Variants in ANK2 observed in about 807,000 individuals in gnomAD.
ANK2 encodes ankyrin 2, also known as ankyrin-2.
A neutral mutation model predicts 360.5 loss-of-function variants in ANK2; 83 were observed. The ratio of observed to expected loss-of-function variants is 0.23; its 90% CI spans 0.19 to 0.28. ANK2 has a LOEUF of 0.28. ANK2 is among the 10% of genes least tolerant of loss of function. The pLI is 1.00. For missense variants in ANK2, 4,201 were observed against 4,795.7 expected (o/e 0.88, Z 3.66); for synonymous variants, 1,740 against 1,759.5 (o/e 0.99, Z 0.28).
chr4:113,343,298 T>C (rs1283386371), intron 34 of ANK2, among the ~76,000 whole-genome samples, 156 bp downstream of exon 34: 3 of 152,204 alleles, frequency 2.0e-5, no homozygotes, highest in Admixed American at 2.0e-4. Context: ...AACAAATCAT[T>C]TTTATTTTTG....
intron 1 of ANK2, chr4:112,881,700 G>GT (rs953259864): frequency 1.4e-5 from 7 of 509,918 alleles, no homozygotes; most frequent in African/African-American, 1.3e-4. Flanking sequence ...CAGTTCTCGA[G>GT]TTTTTTGCCC....
the ANK2 span, among the ~76,000 whole-genome samples, chr4:112,750,975 C>A: frequency 6.6e-6 from 1 of 152,178 alleles, no homozygotes; most frequent in South Asian, 2.1e-4. Context: ...GATCCACCTG[C>A]CTCTGCCTTT....
rs996943909 is a variant in ANK2 at position 113,310,574 on chromosome 4, G to A, written c.2549-681G>A. On this transcript the variant is annotated intron_variant, in intron 23 of 45. Transcript: ENST00000357077. ...TGGGACTACAGGCATGTGCCACCACGCCCAGCTAATTTTTGTATTTTTAGT... is the reference window on the plus strand; with the variant it reads ...TGGGACTACAGGCATGTGCCACCACACCCAGCTAATTTTTGTATTTTTAGT... Among the ~76,000 whole-genome samples the A allele has an allele frequency of 3.9e-5, 6 of 151,934 alleles. No individual in the cohort carries two copies. In the East Asian group the frequency reaches 7.7e-4, roughly 20 times the overall value.
intron 4 of ANK2, among the ~76,000 whole-genome samples, chr4:113,202,973 C>T (rs1192155659): frequency 6.6e-6 from 1 of 152,094 alleles, no homozygotes; most frequent in East Asian, 1.9e-4. Context: ...AAGTATTGCC[C>T]CTGACCATGT....
intron 2 of ANK2, chr4:112,980,261 C>G (rs1040003119): frequency 1.3e-5 from 2 of 152,408 alleles, no homozygotes; most frequent in African/African-American, 4.8e-5. Flanking sequence ...CCGGAGGGGG[C>G]GCCGAGAGTG....
the ANK2 span, among the ~76,000 whole-genome samples, chr4:112,810,863 TTTG>T: frequency 7.6e-3 from 1,142 of 151,132 alleles, 9 homozygotes; most frequent in African/African-American, 0.026. Context: ...TTCCCGCTTT[TTTG>T]TTGTTGTTGT....
At chr4:112,952,372 C>T (rs1236296992) in intron 2 of ANK2, among the ~76,000 whole-genome samples, 1 of 152,178 alleles carries the variant, frequency 6.6e-6, no homozygotes, top group Non-Finnish European at 1.5e-5. Context: ...TTAAAACTGG[C>T]TTGCAAAATT....
chr4:113,214,480 A>G (rs2099063823), intron 4 of ANK2: 1 of 650,774 alleles, frequency 1.5e-6, no homozygotes, highest in African/African-American at 1.8e-5. Context: ...GGAAAAATCT[A>G]CAAATCAATT....
intron 2 of ANK2, among the ~76,000 whole-genome samples, chr4:112,966,338 AT>A (rs1423090878): frequency 1.3e-5 from 2 of 151,776 alleles, no homozygotes; most frequent in Non-Finnish European, 2.9e-5. Context: ...TAATATATAT[AT>A]TTTTCATTAT....
intron 13 of ANK2, among the ~76,000 whole-genome samples, chr4:113,263,422 C>T (rs1176100335): frequency 3.9e-5 from 6 of 152,066 alleles, no homozygotes; most frequent in Non-Finnish European, 8.8e-5. Context: ...AGAAAATAAG[C>T]CCATTAGAGG....
rs190374313 is a variant in ANK2, at chr4:112,826,391, C to A, written c.-40+8127C>A. The stretch of plus-strand genomic sequence containing the variant: ...CACTGCAACCTGAAAAGCCAGTTGT[C>A]CCTGGAACAGAAGTAACACTTTCCC... On this transcript the variant is annotated intron_variant, in intron 1 of 30. Coordinates refer to the ANK2 transcript ENST00000503271. The A allele has an allele frequency of 2.9e-5, 29 of 1,008,876 alleles. No individual in the cohort carries two copies. The East Asian group carries it at 7.0e-4, about 24-fold the overall frequency. The allele number at this position is 1,008,876 out of a possible 1,614,324, so 62.5% of individuals were successfully genotyped here.
At chr4:112,971,347 T>C (rs2039443974) in intron 2 of ANK2, among the ~76,000 whole-genome samples, 1 of 152,180 alleles carries the variant, frequency 6.6e-6, no homozygotes, top group African/African-American at 2.4e-5. Flanking sequence ...CCCAACTGAG[T>C]TGTAAACAGC....
chr4:113,107,663 G>C (rs758496949), intron 1 of ANK2, among the ~76,000 whole-genome samples: 4 of 152,032 alleles, frequency 2.6e-5, no homozygotes, highest in Non-Finnish European at 5.9e-5. Flanking sequence ...ATCTTGTTTT[G>C]GTCTTGTAAA....
intron 26 of ANK2, among the ~76,000 whole-genome samples, chr4:113,319,455 A>G (rs1298752348): frequency 3.3e-5 from 5 of 151,508 alleles, no homozygotes; most frequent in African/African-American, 1.2e-4. Flanking sequence ...GCTATATATC[A>G]AAATGCAATA....
the ANK2 span, among the ~76,000 whole-genome samples, chr4:112,796,370 C>T: frequency 1.3e-5 from 2 of 151,956 alleles, no homozygotes; most frequent in Non-Finnish European, 2.9e-5. Context: ...TTACGGTGAA[C>T]CGAGATTGTG....
chr4:113,328,657 G>A (rs899031564), intron 26 of ANK2, among the ~76,000 whole-genome samples: 4 of 152,064 alleles, frequency 2.6e-5, no homozygotes, highest in Non-Finnish European at 4.4e-5. Context: ...AACTTTAAGC[G>A]GGCTAGGTAT....
At chr4:112,943,933 C>G (rs578189350) in intron 2 of ANK2, among the ~76,000 whole-genome samples, 29 of 152,176 alleles carry the variant, frequency 1.9e-4, no homozygotes, top group Non-Finnish European at 3.2e-4. Context: ...TGGATGCAAA[C>G]TTAATTTGTA....
At chr4:112,836,862 A>G (rs2061095914) in intron 1 of ANK2, among the ~76,000 whole-genome samples, 1 of 152,228 alleles carries the variant, frequency 6.6e-6, no homozygotes, top group African/African-American at 2.4e-5. Flanking sequence ...ATTGGAACTT[A>G]TGTTTAAAAG....
intron 2 of ANK2, among the ~76,000 whole-genome samples, chr4:112,960,220 G>A (rs1044841840): frequency 1.3e-4 from 20 of 152,234 alleles, no homozygotes; most frequent in African/African-American, 3.9e-4. Flanking sequence ...TAGGCTGGAG[G>A]ACCTGCATAT....
Sources: allele counts gnomAD v4.1 joint callset (sites outside exome capture counted in the v4.1 genomes callset), GRCh38; gene constraint gnomAD v4.1.1; transcripts MANE v1.5; gene names NCBI Gene and HGNC (gene_info 2026-07-23, HGNC 2026-07-21).